Variants in MACROD1 observed in about 807,000 individuals in gnomAD.
MACROD1 encodes mono-ADP ribosylhydrolase 1, also known as ADP-ribose glycohydrolase MACROD1.
In MACROD1, 31 loss-of-function variants were observed where a neutral mutation model predicts 41.4. That is an observed-to-expected ratio of 0.75 (90% CI 0.56 to 1.01). MACROD1 has a LOEUF of 1.01. MACROD1 is among the 50% of genes least tolerant of loss of function. The pLI is 0.00. For missense variants in MACROD1, 473 were observed against 460.0 expected (o/e 1.03, Z -0.26); for synonymous variants, 252 against 203.4 (o/e 1.24, Z -2.03).
In MACROD1 at chr11:63,999,001, C is replaced by T; in HGVS notation, c.927G>A (p.Lys309=). The part of the protein sequence containing the change: ...DRLIICVFLE[K]DEDIYRSRLP... The stretch of plus-strand genomic sequence containing the variant: ...GCCGGCTCCGGTAGATGTCCTCGTC[C>T]TTCTCGAGGAACACGCAGATGATCA... The change falls in exon 9 of 11, where the codon AAG becomes AAA. Residue 309 remains lysine (K), a synonymous_variant. Coordinates refer to ENST00000255681, the MANE Select transcript of MACROD1 (RefSeq NM_014067.4). 6.2e-7 allele frequency: 1 copy of T among 1,609,226 alleles called. No homozygotes were observed. Among genetic ancestry groups the T allele is most frequent in the African/African-American group, 1.3e-5 (1 of 74,962 alleles).
intron 3 of MACROD1, among the ~76,000 whole-genome samples, chr11:64,028,656 C>T (rs1173338606): frequency 1.3e-5 from 2 of 152,158 alleles, no homozygotes; most frequent in African/African-American, 4.8e-5. Flanking sequence ...CGCCCCGCCC[C>T]CTGCCGCTGG....
At chr11:64,153,653 C>T (rs1007195469) in intron 1 of MACROD1, among the ~76,000 whole-genome samples, 11 of 152,124 alleles carry the variant, frequency 7.2e-5, no homozygotes, top group Non-Finnish European at 1.3e-4. Flanking sequence ...ATGCAAGGGG[C>T]CCAGTCCAGA....
rs543475672 is a variant in MACROD1, at chr11:64,085,193, G to A, written c.517+66046C>T. ...GAGGGCAGCTTGGAGGAGCACGCCC[G>A]AGTGGACAGGTGGGGAGCTGGAAGG... On this transcript the variant is annotated intron_variant, in intron 3 of 10. Transcript: ENST00000255681. Among the ~76,000 whole-genome samples, 9 of 152,284 alleles carry A rather than the reference G, an allele frequency of 5.9e-5. No homozygotes were observed. In the East Asian group the frequency reaches 1.5e-3, roughly 26 times the overall value.
chr11:64,118,346 T>C (rs1464075069), intron 3 of MACROD1: 12 of 1,496,614 alleles, frequency 8.0e-6, no homozygotes, highest in Non-Finnish European at 1.1e-5. Context: ...GGCGTGGCCA[T>C]GTGGCTTTGC....
chr11:64,162,556 T>C (rs906616920), intron 1 of MACROD1, among the ~76,000 whole-genome samples: 4 of 152,108 alleles, frequency 2.6e-5, no homozygotes, highest in Non-Finnish European at 5.9e-5. Flanking sequence ...GGCTCACGAC[T>C]GTAATCCCAG....
intron 3 of MACROD1, among the ~76,000 whole-genome samples, chr11:64,121,630 G>A (rs1945099246): frequency 6.6e-6 from 1 of 152,166 alleles, no homozygotes; most frequent in African/African-American, 2.4e-5. Context: ...AGATGTTTCA[G>A]GACACCCAGC....
intron 3 of MACROD1, among the ~76,000 whole-genome samples, chr11:64,148,448 T>G (rs1207341540): frequency 6.6e-6 from 1 of 152,162 alleles, no homozygotes; most frequent in Non-Finnish European, 1.5e-5. Flanking sequence ...CCCAGCCCAG[T>G]GTGACCCACG....
chr11:64,102,265 T>C (rs1175498005), intron 3 of MACROD1, among the ~76,000 whole-genome samples: 1 of 151,988 alleles, frequency 6.6e-6, no homozygotes, highest in Admixed American at 6.6e-5. Context: ...TAATGAGAGG[T>C]GCTGGGGAGG....
At chr11:64,165,654 T>C in intron 1 of MACROD1, 43 bp downstream of exon 1, 1 of 1,343,232 alleles carries the variant, frequency 7.4e-7, no homozygotes, top group Non-Finnish European at 9.6e-7. Context: ...AAGCTCCACG[T>C]GAGGCCGCCC....
chr11:64,018,213 G>A lies in MACROD1; in HGVS notation c.518-2932C>T, dbSNP rs550575228. The stretch of plus-strand genomic sequence containing the variant: ...GAGGACCTGGTCCCAGGCCACCCAC[G>A]CACAGTGGGTGCCCCGGGAGGCCAG... On this transcript the variant is annotated intron_variant, in intron 3 of 10. Transcript: ENST00000255681. 5.9e-5 allele frequency among the ~76,000 whole-genome samples: 9 copies of A among 152,218 alleles called. No homozygotes were observed. In the East Asian group the frequency reaches 7.8e-4, roughly 13 times the overall value.
chr11:63,998,933 T>TG, intron 9 of MACROD1, 22 bp downstream of exon 9: 1 of 1,556,474 alleles, frequency 6.4e-7, no homozygotes, highest in Middle Eastern at 2.3e-4. Flanking sequence ...GGGCGGGCCG[T>TG]GGGGCGGCGC....
At chr11:64,097,884 G>A (rs1382907798) in intron 3 of MACROD1, among the ~76,000 whole-genome samples, 1 of 152,156 alleles carries the variant, frequency 6.6e-6, no homozygotes, top group Non-Finnish European at 1.5e-5. Context: ...GGCTGTCCAT[G>A]GCTCTCTTGG....
At chr11:64,033,736 G>C (rs1943323825) in intron 3 of MACROD1, among the ~76,000 whole-genome samples, 1 of 152,048 alleles carries the variant, frequency 6.6e-6, no homozygotes, top group Non-Finnish European at 1.5e-5. Flanking sequence ...AGCTACTCGG[G>C]AGGCTGAGGC....
At chr11:64,118,507 G>A (rs973765341) in intron 3 of MACROD1, 14 of 490,998 alleles carry the variant, frequency 2.9e-5, no homozygotes, top group Middle Eastern at 5.5e-4. Context: ...GGGGGAATTC[G>A]ACATTGTTGA....
chr11:64,089,630 G>T (rs1944455442), intron 3 of MACROD1, among the ~76,000 whole-genome samples: 1 of 152,222 alleles, frequency 6.6e-6, no homozygotes, highest in Non-Finnish European at 1.5e-5. Flanking sequence ...GAACTCCCCA[G>T]TCCCAGCCTG....
intron 4 of MACROD1, among the ~76,000 whole-genome samples, chr11:64,007,243 T>C (rs1337511525): frequency 6.6e-6 from 1 of 152,174 alleles, no homozygotes; most frequent in African/African-American, 2.4e-5. Context: ...CCAGGAGTCC[T>C]GTGGCCGCAG....
chr11:63,998,847 T>A lies in MACROD1; in HGVS notation c.*21A>T, dbSNP rs1026298194. 6.3e-7 allele frequency: 1 copy of A among 1,584,728 alleles called. No homozygotes were observed. Among genetic ancestry groups the A allele is most frequent in the South Asian group, 1.1e-5 (1 of 87,624 alleles). Reference sequence around the variant, plus strand: ...GCGAGGCCCTGCTTACCAGTCCCGGTCAGGGTGGGCTGCGGGAGCCTCAGG... The same window carrying A: ...GCGAGGCCCTGCTTACCAGTCCCGGACAGGGTGGGCTGCGGGAGCCTCAGG... On this transcript the variant is annotated 3_prime_UTR_variant, in exon 10 of 11. Coordinates refer to ENST00000255681, the MANE Select transcript of MACROD1 (RefSeq NM_014067.4).
At position 64,146,131 on chromosome 11, in the gene MACROD1, G is replaced by A. The variant is rs1257506533; in HGVS notation, c.517+5108C>T. ...TGCCCAGGACTCTGCTATCTGTCAG[G>A]AACAAGAAGTCCACACACACAGGTC... is the stretch of plus-strand genomic sequence containing the variant. On this transcript the variant is annotated intron_variant, in intron 3 of 10. Coordinates refer to ENST00000255681, the MANE Select transcript of MACROD1 (RefSeq NM_014067.4). The surrounding 1 kb of genome is among the most constrained non-coding windows in gnomAD (Gnocchi z 4.7). 6.6e-6 allele frequency among the ~76,000 whole-genome samples: 1 copy of A among 152,176 alleles called. No homozygotes were observed. Among genetic ancestry groups the A allele is most frequent in the South Asian group, 2.1e-4 (1 of 4,828 alleles).
chr11:64,077,322 T>C (rs1164280429), intron 3 of MACROD1, among the ~76,000 whole-genome samples: 1 of 152,120 alleles, frequency 6.6e-6, no homozygotes, highest in Non-Finnish European at 1.5e-5. Context: ...GCCAGCACCA[T>C]CTCTCAGGGG....
Sources: gnomAD v4.1 joint callset for allele counts (sites outside exome capture counted in the v4.1 genomes callset) on GRCh38, gnomAD v4.1.1 for gene constraint, Gnocchi (gnomAD v3.1) non-coding constraint, MANE v1.5 for transcripts, NCBI Gene and HGNC (gene_info 2026-07-23, HGNC 2026-07-21) for gene names.